The following ZNF804B variants were observed in gnomAD, a reference collection of about 807,000 sequenced individuals.
ZNF804B encodes the protein zinc finger protein 804B.
A neutral mutation model predicts 101.4 loss-of-function variants in ZNF804B; 80 were observed. The ratio of observed to expected loss-of-function variants is 0.79; its 90% confidence interval spans 0.66 to 0.95. The LOEUF (loss-of-function observed/expected upper bound fraction) is 0.95. Among genes scored for constraint, ZNF804B ranks in the 40% least tolerant of loss-of-function variants. The pLI is 0.00. For missense variants in ZNF804B, 1,673 were observed against 1,561.9 expected (o/e 1.07, Z -1.20); for synonymous variants, 622 against 558.8 (o/e 1.11, Z -1.59).
At chr7:88,992,430 T>A (rs1359088175) in intron 1 of ZNF804B, among the ~76,000 whole-genome samples, 5 of 152,080 alleles carry the variant, frequency 3.3e-5, no homozygotes, top group Non-Finnish European at 7.4e-5. Context: ...TTTAGTGGCA[T>A]ACAAGAACAC....
chr7:89,240,859 A>G (rs543467402), intron 2 of ZNF804B, among the ~76,000 whole-genome samples: 1 of 152,172 alleles, frequency 6.6e-6, no homozygotes, highest in South Asian at 2.1e-4. Flanking sequence ...TCATTATTCC[A>G]AAGTATGCTT....
chr7:88,831,087 C>T (rs756673048), intron 1 of ZNF804B, among the ~76,000 whole-genome samples: 5 of 151,940 alleles, frequency 3.3e-5, no homozygotes, highest in Non-Finnish European at 5.9e-5. Context: ...ATATTTCACA[C>T]ATCTAAAGCA....
intron 1 of ZNF804B, among the ~76,000 whole-genome samples, chr7:88,996,975 A>G (rs1295342366): frequency 6.6e-6 from 1 of 152,054 alleles, no homozygotes; most frequent in African/African-American, 2.4e-5. Flanking sequence ...GGTGTGTATG[A>G]GAGTATGTGT....
intron 1 of ZNF804B, among the ~76,000 whole-genome samples, chr7:89,158,759 T>C (rs908872324): frequency 2.0e-5 from 3 of 152,104 alleles, no homozygotes; most frequent in Non-Finnish European, 4.4e-5. Flanking sequence ...CTCCAGGTCT[T>C]TGCACAAACT....
chr7:88,991,513 C>G (rs1189987797), intron 1 of ZNF804B, among the ~76,000 whole-genome samples: 1 of 152,146 alleles, frequency 6.6e-6, no homozygotes, highest in Non-Finnish European at 1.5e-5. Context: ...GGCTTTGCCC[C>G]AGCAGCTCCT....
At chr7:88,772,857 G>A (rs892978368) in intron 1 of ZNF804B, among the ~76,000 whole-genome samples, 1 of 151,486 alleles carries the variant, frequency 6.6e-6, no homozygotes, top group Admixed American at 6.6e-5. Context: ...TAGGAGCCAG[G>A]CAAAATAGTC....
At chr7:88,799,007 A>C (rs1182554829) in intron 1 of ZNF804B, among the ~76,000 whole-genome samples, 1 of 152,140 alleles carries the variant, frequency 6.6e-6, no homozygotes, top group East Asian at 1.9e-4. Flanking sequence ...CCTTAATAGA[A>C]GCTTAGGATG....
intron 1 of ZNF804B, among the ~76,000 whole-genome samples, chr7:88,894,379 A>T (rs568713238): frequency 6.6e-6 from 1 of 152,008 alleles, no homozygotes; most frequent in East Asian, 1.9e-4. Flanking sequence ...TGCCCAACTA[A>T]CTTTGTATTT....
At position 89,066,642 on chromosome 7, in the gene ZNF804B, G is replaced by A. The variant is rs115310679; in HGVS notation, c.109-151513G>A. Among the ~76,000 whole-genome samples the A allele has an allele frequency of 7.7e-3, 1,169 of 152,066 alleles. 12 individuals are homozygous for A. Among genetic ancestry groups the A allele is most frequent in the African/African-American group, 0.027 (1,126 of 41,482 alleles). ...TATAAAATGATATTACCAAATATTT[G>A]TCATCTGGCGTAACAATTAATGAGT... On this transcript the variant is annotated intron_variant, in intron 1 of 3. Transcript: ENST00000333190.
intron 1 of ZNF804B, among the ~76,000 whole-genome samples, chr7:88,999,209 C>A (rs761334072): frequency 6.6e-6 from 1 of 151,940 alleles, no homozygotes; most frequent in Non-Finnish European, 1.5e-5. Flanking sequence ...TAGACTATTT[C>A]TTACTGAAAA....
chr7:89,266,946 T>C (rs1013813833), intron 2 of ZNF804B, among the ~76,000 whole-genome samples: 64 of 151,964 alleles, frequency 4.2e-4, no homozygotes, highest in Non-Finnish European at 5.9e-5. Flanking sequence ...ATACACTAAG[T>C]TGTACCAATA....
At chr7:88,935,737 C>G (rs1464110119) in intron 1 of ZNF804B, among the ~76,000 whole-genome samples, 2 of 151,740 alleles carry the variant, frequency 1.3e-5, no homozygotes, top group African/African-American at 4.8e-5. Flanking sequence ...ATTCTAATTC[C>G]TCATTTGCTT....
chr7:89,315,193 A>G (rs1033941918), intron 2 of ZNF804B, among the ~76,000 whole-genome samples: 4 of 152,046 alleles, frequency 2.6e-5, no homozygotes, highest in Admixed American at 6.6e-5. Context: ...TTATACAATC[A>G]TGTCTCATGA....
At chr7:88,948,763 CT>C (rs34399356) in intron 1 of ZNF804B, among the ~76,000 whole-genome samples, 4,212 of 151,994 alleles carry the variant, frequency 0.028, 77 homozygotes, top group South Asian at 0.041. Flanking sequence ...GTGACATTAT[CT>C]TTACAAAAAG....
At chr7:89,086,022 C>A (rs1179923542) in intron 1 of ZNF804B, among the ~76,000 whole-genome samples, 1 of 151,892 alleles carries the variant, frequency 6.6e-6, no homozygotes, top group African/African-American at 2.4e-5. Context: ...ATGCCCTGAG[C>A]AAGTTTCTGC....
chr7:89,010,172 A>T (rs1013328814), intron 1 of ZNF804B, among the ~76,000 whole-genome samples: 2 of 152,188 alleles, frequency 1.3e-5, no homozygotes, highest in African/African-American at 4.8e-5. Flanking sequence ...CTAATAATAC[A>T]TTGCGAAGCC....
chr7:89,028,812 A>T (rs1391322557), intron 1 of ZNF804B, among the ~76,000 whole-genome samples: 1 of 152,154 alleles, frequency 6.6e-6, no homozygotes, highest in Non-Finnish European at 1.5e-5. Context: ...TGTGGATTAA[A>T]TGAGTTCACA....
chr7:89,316,413 T>A (rs1790726276), intron 2 of ZNF804B, among the ~76,000 whole-genome samples: 1 of 152,126 alleles, frequency 6.6e-6, no homozygotes, highest in South Asian at 2.1e-4. Flanking sequence ...GCTCCCTTTA[T>A]CATAATATGA....
intron 1 of ZNF804B, among the ~76,000 whole-genome samples, chr7:88,776,788 C>A (rs1443469422): frequency 2.8e-5 from 3 of 107,678 alleles, no homozygotes; most frequent in East Asian, 3.2e-4. Context: ...AAACCCCCCC[C>A]CCCACCCTGT....
Sources: gnomAD v4.1 joint callset for allele counts (sites outside exome capture counted in the v4.1 genomes callset) on GRCh38, gnomAD v4.1.1 for gene constraint, MANE v1.5 for transcripts, NCBI Gene and HGNC (gene_info 2026-07-23, HGNC 2026-07-21) for gene names.